The following MARK3 variants were observed in gnomAD, a reference collection of about 807,000 sequenced individuals.
MARK3 encodes the protein MAP/microtubule affinity-regulating kinase 3.
MARK3 carries 46 observed loss-of-function variants against 90.1 expected under a neutral mutation model. That is an observed-to-expected ratio of 0.51 (90% CI 0.40 to 0.65). The LOEUF (loss-of-function observed/expected upper bound fraction) is 0.65. Ranked by LOEUF, MARK3 falls within the 30% of genes least tolerant of loss-of-function variation. The probability of loss-of-function intolerance (pLI) is 0.00; values close to 1 mark genes in which losing one functional copy is unlikely to be tolerated. For missense variants in MARK3, 818 were observed against 947.2 expected, an observed-to-expected ratio of 0.86 and a Z score of 1.79; for synonymous variants, 321 against 332.6, an observed-to-expected ratio of 0.97 and a Z score of 0.38.
chr14:103,447,653 T>A (rs575653917), intron 3 of MARK3, among the ~76,000 whole-genome samples: 86 of 152,312 alleles, frequency 5.6e-4, no homozygotes, highest in African/African-American at 2.0e-3. Context: ...TGGGTTATAT[T>A]AACCCAGGCC....
intron 6 of MARK3, among the ~76,000 whole-genome samples, chr14:103,460,443 GCT>G (rs1007369730): frequency 8.6e-5 from 13 of 152,004 alleles, no homozygotes; most frequent in African/African-American, 2.9e-4. Context: ...ATGATTTGAC[GCT>G]CTTTTATGTA....
At chr14:103,445,768 T>C (rs931622057) in intron 3 of MARK3, among the ~76,000 whole-genome samples, 21 of 152,328 alleles carry the variant, frequency 1.4e-4, no homozygotes, top group African/African-American at 4.6e-4. Context: ...TTGGCTCTAA[T>C]TCACTTTGTT....
At chr14:103,450,875 AGTGTGTG>A (rs1286893241) in intron 4 of MARK3, among the ~76,000 whole-genome samples, 2 of 114,828 alleles carry the variant, frequency 1.7e-5, no homozygotes, top group South Asian at 2.9e-4. Flanking sequence ...TCATTTTTAA[AGTGTGTG>A]TGTGTGTGTG....
intron 12 of MARK3, among the ~76,000 whole-genome samples, chr14:103,473,448 A>C (rs983493017): frequency 7.9e-5 from 12 of 152,236 alleles, no homozygotes; most frequent in African/African-American, 2.4e-4. Flanking sequence ...CACAAATAAA[A>C]GCTGGAAAGC....
At chr14:103,468,565 A>T (rs2093563029) in intron 12 of MARK3, among the ~76,000 whole-genome samples, 1 of 151,534 alleles carries the variant, frequency 6.6e-6, no homozygotes, top group Admixed American at 6.6e-5. Context: ...GCCTTAAGTG[A>T]TCCACCTGCC....
intron 10 of MARK3, among the ~76,000 whole-genome samples, chr14:103,466,727 G>A (rs1386665296): frequency 3.9e-5 from 6 of 152,034 alleles, no homozygotes; most frequent in Admixed American, 6.6e-5. Flanking sequence ...ATTTCTGGCC[G>A]GGCGTGGTGG....
Position 103,500,262 on chromosome 14 carries a change from G to A in MARK3, c.1916+62G>A, listed in dbSNP as rs1487662889. ...GTGTTTACTTCATTTCTGTGGCAGAGGCGACTATTTTCTGAATGTTCCCTA... is the reference window on the plus strand; with the variant it reads ...GTGTTTACTTCATTTCTGTGGCAGAAGCGACTATTTTCTGAATGTTCCCTA... On this transcript the variant is annotated intron_variant, in intron 17 of 17. Coordinates refer to ENST00000429436, the MANE Select transcript of MARK3 (RefSeq NM_001128918.3). The A allele has an allele frequency of 8.0e-6, 10 of 1,251,244 alleles. No individual in the cohort carries two copies. In the East Asian group the frequency reaches 2.4e-4, roughly 30 times the overall value. 77.5% of individuals were successfully genotyped at this position (1,251,244 alleles called of 1,614,324 possible). A position where few individuals can be genotyped will look rare whatever the true frequency, so the allele number is the denominator to read the frequency against.
At chr14:103,450,198 G>A (rs543416597) in intron 4 of MARK3, among the ~76,000 whole-genome samples, 80 of 151,914 alleles carry the variant, frequency 5.3e-4, no homozygotes, top group Admixed American at 5.2e-4. Flanking sequence ...AAAAAACCAC[G>A]GAACAACTTC....
Position 103,470,587 on chromosome 14 carries a change from C to T in MARK3, c.1264+2401C>T, listed in dbSNP as rs2093609989. Among the ~76,000 whole-genome samples the T allele has an allele frequency of 2.0e-5, 3 of 151,180 alleles. No homozygotes were observed. In the South Asian group the frequency reaches 6.3e-4, roughly 32 times the overall value. On this transcript the variant is annotated intron_variant, in intron 12 of 17. Transcript: ENST00000429436. ...TCTCCTGCCTCAGCCTCCCGAGTAGCTGGGACTACAGGCATGCATCACCAT... is the reference window on the plus strand; with the variant it reads ...TCTCCTGCCTCAGCCTCCCGAGTAGTTGGGACTACAGGCATGCATCACCAT...
rs539605247 is a variant in MARK3, at chr14:103,413,487, G to A, written c.243+8220G>A. ...TGTCGCCCAGGCTGGAGTGCAGCGC[G>A]ATCTCGGCTCACTGCAAGCTCCACC... On this transcript the variant is annotated intron_variant, in intron 2 of 17. Transcript: ENST00000429436. 1.0e-4 allele frequency among the ~76,000 whole-genome samples: 15 copies of A among 149,136 alleles called. No individual in the cohort carries two copies. The South Asian group carries it at 1.9e-3, about 19-fold the overall frequency.
At chr14:103,500,911 C>G (rs756951595) in intron 17 of MARK3, among the ~76,000 whole-genome samples, 2 of 152,168 alleles carry the variant, frequency 1.3e-5, no homozygotes, top group African/African-American at 2.4e-5. Context: ...CATGAGCCCC[C>G]GCACCCAGCC....
chr14:103,433,607 C>T (rs2092644730), intron 3 of MARK3, among the ~76,000 whole-genome samples: 1 of 151,998 alleles, frequency 6.6e-6, no homozygotes, highest in Non-Finnish European at 1.5e-5. Context: ...ATCGCTTGAA[C>T]CTCGGAGGCG....
At chr14:103,421,328 C>G (rs941078439) in intron 2 of MARK3, among the ~76,000 whole-genome samples, 6 of 152,202 alleles carry the variant, frequency 3.9e-5, no homozygotes, top group African/African-American at 1.4e-4. Flanking sequence ...TTCGTATTCA[C>G]TAATTCAGTG....
intron 16 of MARK3, chr14:103,498,804 G>A (rs2075489817): frequency 4.6e-6 from 1 of 215,192 alleles, no homozygotes; most frequent in African/African-American, 2.3e-5. Flanking sequence ...AAATAATTCT[G>A]TCTTCATACT....
intron 10 of MARK3, 66 bp from the exon 11 acceptor site, chr14:103,467,013 A>C (rs1180560534): frequency 1.3e-6 from 1 of 763,434 alleles, no homozygotes; most frequent in South Asian, 2.2e-5. Flanking sequence ...TCAAAAAAAA[A>C]AAAAAAAAAA....
intron 12 of MARK3, among the ~76,000 whole-genome samples, chr14:103,470,614 C>G (rs1225430562): frequency 6.6e-6 from 1 of 151,348 alleles, no homozygotes; most frequent in Non-Finnish European, 1.5e-5. Context: ...CATCACCATG[C>G]CCAGCTAATT....
chr14:103,488,956 C>G lies in MARK3; in HGVS notation c.1587-2821C>G, dbSNP rs140690964. Among the ~76,000 whole-genome samples the G allele has an allele frequency of 2.2e-4, 33 of 152,306 alleles. 1 individual carries two copies. Among genetic ancestry groups the G allele is most frequent in the African/African-American group, 7.2e-4 (30 of 41,558 alleles). On this transcript the variant is annotated intron_variant, in intron 14 of 17. Coordinates refer to ENST00000429436, the MANE Select transcript of MARK3 (RefSeq NM_001128918.3). ...TTCCAGTTGCTAATTGATTAATCTG[C>G]TCTGTTAGGAGAACGTTTGTTGAAT...
At chr14:103,453,099 C>G (rs2093193085) in intron 5 of MARK3, among the ~76,000 whole-genome samples, 1 of 152,196 alleles carries the variant, frequency 6.6e-6, no homozygotes, top group Non-Finnish European at 1.5e-5. Flanking sequence ...AGATTAATGA[C>G]TAGTAACTAT....
intron 15 of MARK3, among the ~76,000 whole-genome samples, chr14:103,493,151 T>A (rs1407661166): frequency 6.6e-6 from 1 of 152,128 alleles, no homozygotes; most frequent in African/African-American, 2.4e-5. Flanking sequence ...CTAAATGTAA[T>A]CTTGTATTCG....
Sources: allele counts gnomAD v4.1 joint callset (sites outside exome capture counted in the v4.1 genomes callset), GRCh38; gene constraint gnomAD v4.1.1; transcripts MANE v1.5; gene names NCBI Gene and HGNC (gene_info 2026-07-23, HGNC 2026-07-21).